RIT2: variants seen among roughly 807,000 people sequenced by gnomAD.
The protein encoded by RIT2 is Ras like without CAAX 2.
In RIT2, 24 loss-of-function variants were observed where a neutral mutation model predicts 23.7. That is an observed-to-expected ratio of 1.01 (90% CI 0.73 to 1.43). The LOEUF (loss-of-function observed/expected upper bound fraction) is 1.43. Ranked by LOEUF, RIT2 falls within the 40% of genes most tolerant of loss-of-function variation. RIT2 has a pLI of 0.00. For missense variants in RIT2, 236 were observed against 266.9 expected (o/e 0.88, Z 0.81); for synonymous variants, 107 against 91.1 (o/e 1.17, Z -0.99).
At chr18:42,908,943 C>T (rs923088960) in intron 4 of RIT2, among the ~76,000 whole-genome samples, 1 of 152,072 alleles carries the variant, frequency 6.6e-6, no homozygotes, top group African/African-American at 2.4e-5. Context: ...AAAACAAGAA[C>T]TACCATTTGA....
At chr18:42,938,299 C>G (rs1011300344) in intron 3 of RIT2, among the ~76,000 whole-genome samples, 3 of 152,096 alleles carry the variant, frequency 2.0e-5, no homozygotes, top group African/African-American at 7.2e-5. Flanking sequence ...GGTAGAAATG[C>G]CAGTCCAGGA....
chr18:42,847,683 A>T (rs1039900117), intron 4 of RIT2, among the ~76,000 whole-genome samples: 1 of 151,852 alleles, frequency 6.6e-6, no homozygotes, highest in East Asian at 1.9e-4. Context: ...TTACTGCTGG[A>T]GAGATAGTTG....
chr18:42,922,726 T>C (rs1051631194), intron 4 of RIT2, among the ~76,000 whole-genome samples: 6 of 152,160 alleles, frequency 3.9e-5, no homozygotes, highest in African/African-American at 1.4e-4. Flanking sequence ...ACTATGTAAG[T>C]TACGGTAATG....
chr18:42,893,585 G>C (rs889500028), intron 4 of RIT2, among the ~76,000 whole-genome samples: 2 of 152,080 alleles, frequency 1.3e-5, no homozygotes, highest in Non-Finnish European at 2.9e-5. Flanking sequence ...AGATATTTTG[G>C]GGGGACACAA....
chr18:42,936,863 G>C (rs1598722077), intron 3 of RIT2, among the ~76,000 whole-genome samples: 3 of 152,074 alleles, frequency 2.0e-5, no homozygotes, highest in Middle Eastern at 3.4e-3. Context: ...TATACAAAAA[G>C]TAGCCGGGCT....
At chr18:43,045,418 C>A (rs1335030632) in intron 1 of RIT2, among the ~76,000 whole-genome samples, 1 of 152,134 alleles carries the variant, frequency 6.6e-6, no homozygotes, top group East Asian at 1.9e-4. Context: ...CCTGATCCTG[C>A]AATGAAAACA....
intron 1 of RIT2, among the ~76,000 whole-genome samples, chr18:43,078,224 G>A (rs985826536): frequency 2.0e-5 from 3 of 151,922 alleles, no homozygotes; most frequent in East Asian, 1.9e-4. Flanking sequence ...CAATACTCTC[G>A]CACTTGACAA....
chr18:42,949,314 T>C (rs1445648597), intron 3 of RIT2, among the ~76,000 whole-genome samples: 1 of 152,064 alleles, frequency 6.6e-6, no homozygotes, highest in African/African-American at 2.4e-5. Flanking sequence ...CTAAAAGAAA[T>C]TTATTTGGGA....
At chr18:43,052,199 C>T (rs1912399540) in intron 1 of RIT2, among the ~76,000 whole-genome samples, 1 of 152,036 alleles carries the variant, frequency 6.6e-6, no homozygotes, top group Non-Finnish European at 1.5e-5. Context: ...ATGGAATTAA[C>T]TTATATTATG....
intron 2 of RIT2, among the ~76,000 whole-genome samples, chr18:42,976,558 T>TAAC (rs953430342): frequency 5.9e-5 from 9 of 152,088 alleles, no homozygotes; most frequent in African/African-American, 1.9e-4. Context: ...TTTGTAAAGG[T>TAAC]AACAATTATT....
chr18:43,044,441 C>G (rs936993673), intron 1 of RIT2, among the ~76,000 whole-genome samples: 1 of 152,128 alleles, frequency 6.6e-6, no homozygotes, highest in Admixed American at 6.6e-5. Context: ...AAGCATAATT[C>G]AGCATATTTA....
At chr18:42,857,998 T>C (rs1220855482) in intron 4 of RIT2, among the ~76,000 whole-genome samples, 2 of 152,130 alleles carry the variant, frequency 1.3e-5, no homozygotes, top group African/African-American at 2.4e-5. Flanking sequence ...CTGGTCACCA[T>C]GGCGAAACCC....
At chr18:43,108,174 CA>C (rs35014387) in intron 1 of RIT2, among the ~76,000 whole-genome samples, 47,325 of 136,248 alleles carry the variant, frequency 0.35, 7,530 homozygotes, top group African/African-American at 0.39. Flanking sequence ...GACTCCATCT[CA>C]AAAAAAAAAA....
intron 2 of RIT2, among the ~76,000 whole-genome samples, chr18:43,027,619 G>C (rs1464269276): frequency 6.6e-6 from 1 of 151,992 alleles, no homozygotes; most frequent in Non-Finnish European, 1.5e-5. Context: ...AAAGTAGAAA[G>C]CAAGGTCATC....
intron 4 of RIT2, among the ~76,000 whole-genome samples, chr18:42,877,340 T>C (rs1041561368): frequency 1.3e-5 from 2 of 151,654 alleles, no homozygotes; most frequent in East Asian, 1.9e-4. Flanking sequence ...ATTTTAAATA[T>C]TTTTTGTTAT....
At chr18:42,764,891 T>G (rs542855032) in intron 4 of RIT2, among the ~76,000 whole-genome samples, 1 of 152,364 alleles carries the variant, frequency 6.6e-6, no homozygotes, top group African/African-American at 2.4e-5. Context: ...TCTTACTTAC[T>G]TTGTAGTGTT....
At position 42,843,151 on chromosome 18, in the gene RIT2, C is replaced by T. The variant is rs562247365; in HGVS notation, c.426+80421G>A. Among the ~76,000 whole-genome samples, 3 of 152,284 alleles carry T rather than the reference C, an allele frequency of 2.0e-5. No homozygotes were observed. In the South Asian group the frequency reaches 6.2e-4, roughly 32 times the overall value. ...TAGCAGACAAAGCAGTAGGTAAACA[C>T]TCACCTCACATAGAATGTGATGAGT... On this transcript the variant is annotated intron_variant, in intron 4 of 4. Coordinates refer to ENST00000326695, the MANE Select transcript of RIT2 (RefSeq NM_002930.4).
chr18:42,895,640 A>G (rs1908308486), intron 4 of RIT2, among the ~76,000 whole-genome samples: 1 of 152,186 alleles, frequency 6.6e-6, no homozygotes, highest in Non-Finnish European at 1.5e-5. Context: ...TGAGATGTAA[A>G]CGGTTTTAAG....
intron 1 of RIT2, among the ~76,000 whole-genome samples, chr18:43,108,704 A>G (rs4130811): frequency 0.13 from 20,073 of 152,164 alleles, 1,600 homozygotes; most frequent in Non-Finnish European, 0.18. Flanking sequence ...TCTGTTTTCA[A>G]TCATTATTTG....
Sources: gnomAD v4.1 joint callset for allele counts (sites outside exome capture counted in the v4.1 genomes callset) on GRCh38, gnomAD v4.1.1 for gene constraint, MANE v1.5 for transcripts, NCBI Gene and HGNC (gene_info 2026-07-23, HGNC 2026-07-21) for gene names.